The following GLIS3 variants were observed in gnomAD, a reference collection of about 807,000 sequenced individuals.
The protein encoded by GLIS3 is GLIS family zinc finger 3.
Under a neutral mutation model 78.6 loss-of-function variants are expected in GLIS3, and 53 were observed. The ratio of observed to expected loss-of-function variants is 0.67; its 90% confidence interval spans 0.54 to 0.85. GLIS3 has a LOEUF of 0.85. Ranked by LOEUF, GLIS3 falls within the 40% of genes least tolerant of loss-of-function variation. GLIS3 has a pLI of 0.00. For synonymous variants in GLIS3, 684 were observed against 509.9 expected, an observed-to-expected ratio of 1.34 and a Z score of -4.60; for missense variants, 1,703 against 1,231.1, an observed-to-expected ratio of 1.38 and a Z score of -5.74.
chr9:4,196,148 T>C (rs1290473575), intron 2 of GLIS3, among the ~76,000 whole-genome samples: 1 of 151,456 alleles, frequency 6.6e-6, no homozygotes, highest in Non-Finnish European at 1.5e-5. Flanking sequence ...TAGTGGGGAC[T>C]TGGAGAACTT....
the GLIS3 span, among the ~76,000 whole-genome samples, chr9:4,462,339 A>G: frequency 3.7e-4 from 57 of 152,310 alleles, no homozygotes; most frequent in African/African-American, 1.2e-3. Context: ...CAAGCTCAAG[A>G]TTGGTGAAAT....
At chr9:4,312,506 C>A (rs1817379968) in intron 2 of GLIS3, among the ~76,000 whole-genome samples, 1 of 152,214 alleles carries the variant, frequency 6.6e-6, no homozygotes, top group Non-Finnish European at 1.5e-5. Flanking sequence ...CATAAACAGG[C>A]ACCCATATGA....
chr9:4,368,175 A>C, the GLIS3 span, among the ~76,000 whole-genome samples: 72 of 152,170 alleles, frequency 4.7e-4, no homozygotes, highest in African/African-American at 1.5e-3. Flanking sequence ...TTTTATCCTT[A>C]CGTTTTAAAA....
At chr9:4,440,177 A>G in the GLIS3 span, among the ~76,000 whole-genome samples, 1 of 152,134 alleles carries the variant, frequency 6.6e-6, no homozygotes, top group Non-Finnish European at 1.5e-5. Context: ...TTTGCTGTGC[A>G]GAAGTTTTTT....
At chr9:3,897,419 C>G (rs1041684714) in intron 7 of GLIS3, among the ~76,000 whole-genome samples, 10 of 151,802 alleles carry the variant, frequency 6.6e-5, no homozygotes, top group African/African-American at 2.4e-4. Context: ...AAAACAAAAG[C>G]TAGTCATGGT....
chr9:4,479,584 C>A, the GLIS3 span, among the ~76,000 whole-genome samples: 7 of 151,538 alleles, frequency 4.6e-5, no homozygotes, highest in Non-Finnish European at 7.4e-5. Flanking sequence ...CATGACCATA[C>A]TGTGGCTCTC....
At chr9:4,408,869 A>G in the GLIS3 span, among the ~76,000 whole-genome samples, 1 of 152,102 alleles carries the variant, frequency 6.6e-6, no homozygotes, top group African/African-American at 2.4e-5. Flanking sequence ...AACATGGGAT[A>G]AATGCTTGAG....
rs575473770 is a variant in GLIS3, at chr9:4,060,002, C to T, written c.1710+57766G>A. ...ATGTTGAATCAGAACCTTACCCCTACTTTTAAGGCATGTTGAATTCCGAAT... is the reference window on the plus strand; with the variant it reads ...ATGTTGAATCAGAACCTTACCCCTATTTTTAAGGCATGTTGAATTCCGAAT... On this transcript the variant is annotated intron_variant, in intron 4 of 10. Transcript: ENST00000381971. Among the ~76,000 whole-genome samples the T allele has an allele frequency of 3.3e-5, 5 of 152,220 alleles. No homozygotes were observed. In the South Asian group the frequency reaches 1.0e-3, roughly 32 times the overall value.
At chr9:4,064,830 G>A (rs1458087786) in intron 4 of GLIS3, among the ~76,000 whole-genome samples, 2 of 152,238 alleles carry the variant, frequency 1.3e-5, no homozygotes, top group South Asian at 4.1e-4. Context: ...AACTGAAATT[G>A]AGGACTAATT....
chr9:4,160,959 G>A (rs2131082022), intron 2 of GLIS3, among the ~76,000 whole-genome samples: 1 of 151,866 alleles, frequency 6.6e-6, no homozygotes, highest in Middle Eastern at 3.4e-3. Flanking sequence ...AAAAAGTAAT[G>A]TTGGCTGGGA....
intron 4 of GLIS3, among the ~76,000 whole-genome samples, chr9:4,007,382 C>T (rs1441982561): frequency 6.6e-6 from 1 of 152,156 alleles, no homozygotes; most frequent in Non-Finnish European, 1.5e-5. Context: ...CTTTATCCCT[C>T]TCCCTCTTCC....
intron 2 of GLIS3, among the ~76,000 whole-genome samples, chr9:4,137,989 C>T (rs939023695): frequency 2.0e-5 from 3 of 152,184 alleles, no homozygotes; most frequent in Non-Finnish European, 4.4e-5. Flanking sequence ...AGCAGAGGCA[C>T]AACTTAGTAA....
intron 2 of GLIS3, among the ~76,000 whole-genome samples, chr9:4,319,014 A>G (rs760692774): frequency 5.3e-5 from 8 of 152,208 alleles, no homozygotes; most frequent in Non-Finnish European, 1.2e-4. Context: ...CAAGCACTCA[A>G]TTGGAGGGGC....
At chr9:4,416,162 G>C in the GLIS3 span, among the ~76,000 whole-genome samples, 1 of 146,322 alleles carries the variant, frequency 6.8e-6, no homozygotes, top group Non-Finnish European at 1.5e-5. Context: ...CAAGGCAAGA[G>C]GATCGCTTGA....
chr9:3,879,998 G>A (rs1038010617), intron 7 of GLIS3, among the ~76,000 whole-genome samples: 5 of 152,114 alleles, frequency 3.3e-5, no homozygotes, highest in Non-Finnish European at 5.9e-5. Context: ...CACAGCACAG[G>A]CCTTCTTCCT....
the GLIS3 span, among the ~76,000 whole-genome samples, chr9:4,440,999 T>G: frequency 5.1e-3 from 777 of 152,336 alleles, 4 homozygotes; most frequent in African/African-American, 0.018. Context: ...TGTGTGTTGA[T>G]TTTGTATCCT....
chr9:3,934,738 A>G (rs581222), intron 5 of GLIS3, among the ~76,000 whole-genome samples: 104,478 of 151,952 alleles, frequency 0.69, 36,421 homozygotes, highest in East Asian at 0.93. Context: ...GTTCTTGGAG[A>G]AAGTTTGACT....
intron 2 of GLIS3, among the ~76,000 whole-genome samples, chr9:4,264,101 C>A (rs1271580248): frequency 6.6e-6 from 1 of 152,174 alleles, no homozygotes; most frequent in Non-Finnish European, 1.5e-5. Flanking sequence ...ATCTCAAATA[C>A]AATTATTTTC....
the GLIS3 span, among the ~76,000 whole-genome samples, chr9:4,384,510 T>C: frequency 6.7e-6 from 1 of 150,064 alleles, no homozygotes; most frequent in Non-Finnish European, 1.5e-5. Context: ...TTCCCTCCCT[T>C]CCTTCCTTCT....
Sources: gnomAD v4.1 joint callset for allele counts (sites outside exome capture counted in the v4.1 genomes callset) on GRCh38, gnomAD v4.1.1 for gene constraint, MANE v1.5 for transcripts, NCBI Gene and HGNC (gene_info 2026-07-23, HGNC 2026-07-21) for gene names.